Variants in PRDM5 observed in about 807,000 individuals in gnomAD.
PRDM5 encodes the protein PR domain zinc finger protein 5.
A neutral mutation model predicts 81.2 loss-of-function variants in PRDM5; 56 were observed. The observed-to-expected ratio is 0.69, with a 90% CI of 0.56 to 0.86. The LOEUF (loss-of-function observed/expected upper bound fraction) is 0.86. Ranked by LOEUF, PRDM5 falls within the 40% of genes least tolerant of loss-of-function variation. The probability of loss-of-function intolerance (pLI) is 0.00; values close to 1 mark genes in which losing one functional copy is unlikely to be tolerated. For missense variants in PRDM5, 697 were observed against 770.1 expected, an observed-to-expected ratio of 0.91 and a Z score of 1.12; for synonymous variants, 267 against 256.4, an observed-to-expected ratio of 1.04 and a Z score of -0.39.
chr4:120,777,368 A>C, intron 12 of PRDM5, 87 bp from the exon 13 acceptor site: 1 of 1,574,696 alleles, frequency 6.4e-7, no homozygotes, highest in Non-Finnish European at 8.7e-7. Flanking sequence ...GTAAATCCTT[A>C]TTTTGTAGGA....
Position 120,692,809 on chromosome 4 carries a change from T to G in PRDM5, c.*2302A>C, listed in dbSNP as rs907166639. On this transcript the variant is annotated 3_prime_UTR_variant, in exon 16 of 16. Coordinates refer to ENST00000264808, the MANE Select transcript of PRDM5 (RefSeq NM_018699.4). ...GTACTTCAGCTTGTCTGTAAGACTTTTCCTTATGATTATCTATGCTTTCAA... is the reference window on the plus strand; with the variant it reads ...GTACTTCAGCTTGTCTGTAAGACTTGTCCTTATGATTATCTATGCTTTCAA... The G allele has an allele frequency of 6.6e-6, 1 of 152,154 alleles. No individual in the cohort carries two copies. The highest frequency in any genetic ancestry group is 2.4e-5 in the African/African-American group (1 of 41,454). 9.4% of individuals were successfully genotyped at this position (152,154 alleles called of 1,614,324 possible). A position where few individuals can be genotyped will look rare whatever the true frequency, so the allele number is the denominator to read the frequency against.
intron 15 of PRDM5, among the ~76,000 whole-genome samples, chr4:120,702,899 A>G (rs911977327): frequency 2.0e-5 from 3 of 152,148 alleles, no homozygotes; most frequent in Non-Finnish European, 4.4e-5. Flanking sequence ...TAGATTCACA[A>G]TACATTTCCT....
intron 2 of PRDM5, 91 bp downstream of exon 2, chr4:120,907,383 T>C: frequency 6.6e-6 from 7 of 1,054,382 alleles, no homozygotes; most frequent in Non-Finnish European, 1.0e-5. Flanking sequence ...AATACTTAAC[T>C]GGAATCAATA....
At chr4:120,728,499 G>T (rs570114800) in intron 14 of PRDM5, among the ~76,000 whole-genome samples, 1 of 151,956 alleles carries the variant, frequency 6.6e-6, no homozygotes, top group Non-Finnish European at 1.5e-5. Flanking sequence ...TTATTTCAGA[G>T]AACATTTACA....
At chr4:120,839,835 C>G (rs1293326254) in intron 3 of PRDM5, among the ~76,000 whole-genome samples, 11 of 152,208 alleles carry the variant, frequency 7.2e-5, no homozygotes, top group Non-Finnish European at 1.5e-4. Flanking sequence ...GTTTCCAACC[C>G]CCCCACACTC....
At chr4:120,743,962 A>G (rs1338842361) in intron 14 of PRDM5, among the ~76,000 whole-genome samples, 1 of 152,030 alleles carries the variant, frequency 6.6e-6, no homozygotes, top group African/African-American at 2.4e-5. Flanking sequence ...TTCACCCCAA[A>G]TCAACAGAAT....
chr4:120,846,938 C>T (rs1049860376), intron 3 of PRDM5, among the ~76,000 whole-genome samples: 6 of 151,952 alleles, frequency 3.9e-5, no homozygotes, highest in South Asian at 2.1e-4. Context: ...AGTCAGAGCC[C>T]GGGATCTACT....
Position 120,908,627 on chromosome 4 carries a change from G to A in PRDM5, c.94-1070C>T, listed in dbSNP as rs574400965. 7.9e-5 allele frequency among the ~76,000 whole-genome samples: 12 copies of A among 152,242 alleles called. 1 individual carries two copies. In the South Asian group the frequency reaches 1.9e-3, roughly 24 times the overall value. On this transcript the variant is annotated intron_variant, in intron 1 of 15. Transcript: ENST00000264808. ...TTTTACAGATGAAGAAAAGAGGTCC[G>A]GAGAAGCCATAAATACTGGCAGAGC...
intron 14 of PRDM5, among the ~76,000 whole-genome samples, chr4:120,742,041 G>A (rs1328369774): frequency 6.6e-6 from 1 of 152,228 alleles, no homozygotes; most frequent in Non-Finnish European, 1.5e-5. Flanking sequence ...TGACAGCTTT[G>A]AAGAGAGCAG....
At chr4:120,774,457 C>T (rs942834151) in intron 13 of PRDM5, among the ~76,000 whole-genome samples, 4 of 152,208 alleles carry the variant, frequency 2.6e-5, no homozygotes, top group Admixed American at 1.3e-4. Flanking sequence ...CGGAGCTCCG[C>T]TATCATACTA....
intron 3 of PRDM5, among the ~76,000 whole-genome samples, chr4:120,847,337 C>T (rs1164133112): frequency 1.3e-5 from 2 of 152,082 alleles, no homozygotes; most frequent in African/African-American, 4.8e-5. Context: ...CTCTCTCTCA[C>T]TCATTTTTGC....
chr4:120,778,556 T>C (rs939070799), intron 12 of PRDM5, among the ~76,000 whole-genome samples: 1 of 152,206 alleles, frequency 6.6e-6, no homozygotes, highest in Non-Finnish European at 1.5e-5. Flanking sequence ...GGTATTAAAA[T>C]GTGTATTTGG....
chr4:120,833,694 T>G (rs187379568), intron 3 of PRDM5, among the ~76,000 whole-genome samples: 1 of 152,272 alleles, frequency 6.6e-6, no homozygotes, highest in Non-Finnish European at 1.5e-5. Flanking sequence ...ATTAAATTTG[T>G]GGATAGAAGA....
At chr4:120,807,250 T>C (rs1753117475) in intron 8 of PRDM5, among the ~76,000 whole-genome samples, 2 of 152,218 alleles carry the variant, frequency 1.3e-5, no homozygotes, top group South Asian at 4.1e-4. Flanking sequence ...ACACTGTTGG[T>C]GGGACTGTAA....
chr4:120,738,324 T>C (rs1335969874), intron 14 of PRDM5, among the ~76,000 whole-genome samples: 1 of 152,204 alleles, frequency 6.6e-6, no homozygotes, highest in Non-Finnish European at 1.5e-5. Context: ...TTCTATAAAG[T>C]ACTAAGGAGA....
intron 5 of PRDM5, chr4:120,818,072 T>C (rs1754773472): frequency 2.9e-6 from 1 of 339,772 alleles, no homozygotes; most frequent in Non-Finnish European, 5.5e-6. Flanking sequence ...GTAAGCTTGA[T>C]ACATAATGGC....
At chr4:120,706,225 T>A (rs1425408900) in intron 15 of PRDM5, among the ~76,000 whole-genome samples, 1 of 152,088 alleles carries the variant, frequency 6.6e-6, no homozygotes, top group Admixed American at 6.6e-5. Context: ...TCACTCAACC[T>A]CAGTGAACCT....
intron 12 of PRDM5, 62 bp from the exon 13 acceptor site, chr4:120,777,343 A>G: frequency 6.2e-7 from 1 of 1,609,608 alleles, no homozygotes; most frequent in Non-Finnish European, 8.5e-7. Flanking sequence ...AGATGATTAA[A>G]TGCCTCTGAC....
downstream of PRDM5, among the ~76,000 whole-genome samples, chr4:120,687,024 A>G (rs1733863801): frequency 6.6e-6 from 1 of 151,998 alleles, no homozygotes; most frequent in Non-Finnish European, 1.5e-5. Flanking sequence ...TCTCAACTCT[A>G]CATATAACAT....
Sources: allele counts gnomAD v4.1 joint callset (sites outside exome capture counted in the v4.1 genomes callset), GRCh38; gene constraint gnomAD v4.1.1; transcripts MANE v1.5; gene names NCBI Gene and HGNC (gene_info 2026-07-23, HGNC 2026-07-21).